Variants in DYSF observed in about 807,000 individuals in gnomAD.
The protein encoded by DYSF is dysferlin, also known as dystrophy-associated fer-1-like 1.
A neutral mutation model predicts 274.9 loss-of-function variants in DYSF; 212 were observed. The observed-to-expected ratio is 0.77, with a 90% CI of 0.69 to 0.86. The LOEUF (loss-of-function observed/expected upper bound fraction) is 0.86. Among genes scored for constraint, DYSF ranks in the 40% least tolerant of loss-of-function variants. The pLI, the probability that DYSF is intolerant of heterozygous loss-of-function variation, is 0.00. For missense variants in DYSF, 2,666 were observed against 2,783.2 expected, an observed-to-expected ratio of 0.96 and a Z score of 0.95; for synonymous variants, 1,091 against 1,078.7, an observed-to-expected ratio of 1.01 and a Z score of -0.22.
rs762804655 is a variant in DYSF at position 71,612,666 on chromosome 2, G to A, written c.4247G>A (p.Cys1416Tyr). 1.2e-6 allele frequency: 2 copies of A among 1,613,952 alleles called. No individual in the cohort carries two copies. The highest frequency in any genetic ancestry group is 1.7e-6 in the Non-Finnish European group (2 of 1,179,976). Reference protein sequence around the residue: ...EVMLPREELYCPPITVKVIDN... With the variant: ...EVMLPREELYYPPITVKVIDN... Reference sequence around the variant, plus strand: ...ATGCTGCCCAGGGAGGAGCTCTACTGCCCCCCCATCACCGTCAAGGTCATC... The same window carrying A: ...ATGCTGCCCAGGGAGGAGCTCTACTACCCCCCCATCACCGTCAAGGTCATC... Residue 1416 changes from cysteine to tyrosine, a missense_variant, in exon 39 of 56, where the codon TGC becomes TAC. Transcript: ENST00000410020.
chr2:71,562,082 C>T (rs747081329), intron 23 of DYSF, 138 bp downstream of exon 23: 129 of 1,153,842 alleles, frequency 1.1e-4, no homozygotes, highest in Non-Finnish European at 1.5e-4. Flanking sequence ...GGTGACTTAA[C>T]CTCTCTGAAC....
intron 1 of DYSF, among the ~76,000 whole-genome samples, chr2:71,461,337 T>C (rs2081279626): frequency 6.6e-6 from 1 of 152,170 alleles, no homozygotes; most frequent in Non-Finnish European, 1.5e-5. Flanking sequence ...AGGTGATCTT[T>C]AAGCTGAGGC....
intron 1 of DYSF, among the ~76,000 whole-genome samples, chr2:71,479,441 G>A (rs1332041789): frequency 1.3e-5 from 2 of 152,042 alleles, no homozygotes; most frequent in Non-Finnish European, 2.9e-5. Context: ...GAGGGCCAAA[G>A]CTCTGTCCAA....
chr2:71,571,514 A>G lies in DYSF; in HGVS notation c.3228+773A>G, dbSNP rs527566162. Among the ~76,000 whole-genome samples the G allele has an allele frequency of 3.1e-4, 43 of 140,032 alleles. 1 individual carries two copies. Among genetic ancestry groups the G allele is most frequent in the Admixed American group, 7.0e-4 (10 of 14,298 alleles). 91.9% of individuals were successfully genotyped at this position (140,032 alleles called of 152,430 possible). The stretch of plus-strand genomic sequence containing the variant: ...AGCACGCACAGATCACACCCACCAC[A>G]CACAGCTCACACCCAGCACACACAC... On this transcript the variant is annotated intron_variant, in intron 29 of 55. Coordinates refer to ENST00000410020, the MANE Select transcript of DYSF (RefSeq NM_001130987.2).
In DYSF at chr2:71,553,085, T is replaced by C. The variant is rs2303596; in HGVS notation, c.1881T>C (p.Asp627=). The C allele has an allele frequency of 0.69, 1,118,439 of 1,613,950 alleles. 395,695 individuals are homozygous for C. Among genetic ancestry groups the C allele is most frequent in the African/African-American group, 0.78 (58,587 of 74,976 alleles). ...CCACCATGCTGCAGGATGTGGATGA[T>C]GCCATCCAGTTTGAGGTCAGCATCG... ...YSATMLQDVD[D]AIQFEVSIGN... The change falls in exon 20 of 56, where the codon GAT becomes GAC. Residue 627 remains aspartate (D), a synonymous_variant. Transcript: ENST00000410020.
At chr2:71,476,823 CTT>C (rs1553505730) in intron 1 of DYSF, among the ~76,000 whole-genome samples, 1,437 of 137,138 alleles carry the variant, frequency 0.01, 8 homozygotes, top group African/African-American at 0.023. Flanking sequence ...GAACTAGCTG[CTT>C]TTTTTTTTTT....
chr2:71,520,157 G>T, intron 10 of DYSF, 21 bp from the exon 11 acceptor site: 2 of 1,614,132 alleles, frequency 1.2e-6, no homozygotes, highest in Middle Eastern at 1.6e-4. Context: ...TTTGATTTGT[G>T]TCTCCTCTCA....
intron 21 of DYSF, among the ~76,000 whole-genome samples, 182 bp downstream of exon 21, chr2:71,554,113 G>C (rs1170216738): frequency 6.6e-6 from 1 of 152,206 alleles, no homozygotes; most frequent in African/African-American, 2.4e-5. Context: ...TGTCCTGCAT[G>C]CTTGGAAGAG....
At chr2:71,575,835 G>A (rs1303512202) in intron 30 of DYSF, among the ~76,000 whole-genome samples, 3 of 141,716 alleles carry the variant, frequency 2.1e-5, no homozygotes, top group Non-Finnish European at 4.8e-5. Flanking sequence ...CAGGCATTAG[G>A]CCTGGCAGGA....
chr2:71,668,754 G>C lies in DYSF; in HGVS notation c.5458G>C (p.Gly1820Arg). 6.2e-7 allele frequency: 1 copy of C among 1,613,610 alleles called. No individual in the cohort carries two copies. The highest frequency in any genetic ancestry group is 8.5e-7 in the Non-Finnish European group (1 of 1,179,880). The change falls in exon 49 of 56, where the codon GGG (glycine) becomes CGG (arginine). Residue 1820 changes from glycine to arginine, a missense_variant and splice_region_variant. Physicochemically the swap from Gly to Arg is moderately radical, Grantham distance 125. Transcript: ENST00000410020. Reference sequence around the variant, plus strand: ...GAGAGAACGGACCCTGTCTCCGCAGGGGAAGCTGCAGATGTGGGTCGACCT... The same window carrying C: ...GAGAGAACGGACCCTGTCTCCGCAGCGGAAGCTGCAGATGTGGGTCGACCT... ...YSPLQPDIEQ[G>R]KLQMWVDLFP...
At chr2:71,491,831 G>T (rs528212522) in intron 3 of DYSF, among the ~76,000 whole-genome samples, 1 of 152,292 alleles carries the variant, frequency 6.6e-6, no homozygotes, top group Admixed American at 6.5e-5. Context: ...CATTTAGGTT[G>T]ATTCTATGTC....
chr2:71,663,626 G>T (rs1364815841), intron 45 of DYSF, among the ~76,000 whole-genome samples: 2 of 152,302 alleles, frequency 1.3e-5, no homozygotes, highest in South Asian at 4.1e-4. Flanking sequence ...CTCATTTTAG[G>T]GGGAGAAGGG....
At chr2:71,468,524 G>T (rs996659588) in intron 1 of DYSF, among the ~76,000 whole-genome samples, 3 of 152,090 alleles carry the variant, frequency 2.0e-5, no homozygotes, top group African/African-American at 7.2e-5. Flanking sequence ...CAAGTACCCC[G>T]AACACGTGCA....
chr2:71,665,115 T>A, intron 46 of DYSF, 47 bp from the exon 47 acceptor site: 3 of 1,610,912 alleles, frequency 1.9e-6, no homozygotes, highest in Non-Finnish European at 2.5e-6. Context: ...TCTACCCTCA[T>A]GAGTGTCCTT....
In DYSF at chr2:71,552,936, A is replaced by C. The variant is rs544622289; in HGVS notation, c.1807-75A>C. On this transcript the variant is annotated intron_variant, in intron 19 of 55. Transcript: ENST00000410020. ...GCCGGTTATGGCCGGGGCCTGCCAG[A>C]CGTATGTCCCCTCCCCAGCCTGGGT... The C allele has an allele frequency of 1.6e-4, 241 of 1,522,694 alleles. 3 individuals carry two copies. The Middle Eastern group carries it at 1.9e-3, about 12-fold the overall frequency. 94.3% of individuals were successfully genotyped at this position (1,522,694 alleles called of 1,614,324 possible).
intron 17 of DYSF, among the ~76,000 whole-genome samples, chr2:71,539,917 A>G (rs2089766857): frequency 6.6e-6 from 1 of 152,224 alleles, no homozygotes; most frequent in Admixed American, 6.5e-5. Flanking sequence ...CACATATTCC[A>G]TTATGTGAAT....
chr2:71,658,813 G>T, intron 43 of DYSF, 65 bp from the exon 44 acceptor site: 1 of 1,598,710 alleles, frequency 6.3e-7, no homozygotes, highest in Non-Finnish European at 8.6e-7. Flanking sequence ...GATTTGGGTG[G>T]GGACACAGCC....
chr2:71,679,307 C>A, intron 53 of DYSF, 72 bp downstream of exon 53: 1 of 1,462,522 alleles, frequency 6.8e-7, no homozygotes, highest in Admixed American at 1.9e-5. Flanking sequence ...TCAGAAAATA[C>A]GTCATCAGAA....
At chr2:71,551,502 C>T in intron 18 of DYSF, 105 bp from the exon 19 acceptor site, 2 of 981,094 alleles carry the variant, frequency 2.0e-6, no homozygotes, top group Non-Finnish European at 3.1e-6. Flanking sequence ...TGAGGGACCT[C>T]CTGGGTGCCT....
Sources: allele counts gnomAD v4.1 joint callset (sites outside exome capture counted in the v4.1 genomes callset), GRCh38; gene constraint gnomAD v4.1.1; transcripts MANE v1.5; gene names NCBI Gene and HGNC (gene_info 2026-07-23, HGNC 2026-07-21).